Variants in CSMD1 observed in about 807,000 individuals in gnomAD.
CSMD1 encodes CUB and Sushi multiple domains 1.
Under a neutral mutation model 417.5 loss-of-function variants are expected in CSMD1, and 213 were observed. The ratio of observed to expected loss-of-function variants is 0.51; its 90% confidence interval spans 0.46 to 0.57. The LOEUF is 0.57. Ranked by LOEUF, CSMD1 falls within the 20% of genes least tolerant of loss-of-function variation. The pLI, the probability that CSMD1 is intolerant of heterozygous loss-of-function variation, is 0.00. For synonymous variants in CSMD1, 2,862 were observed against 1,736.8 expected (o/e 1.65, Z -16.11); for missense variants, 6,923 against 4,529.7 (o/e 1.53, Z -15.17).
At chr8:4,560,926 G>A (rs941177862) in intron 2 of CSMD1, among the ~76,000 whole-genome samples, 3 of 152,072 alleles carry the variant, frequency 2.0e-5, no homozygotes, top group Non-Finnish European at 2.9e-5. Context: ...TCAAAGATCC[G>A]TTTTCTCTAT....
chr8:3,905,406 A>G (rs1425775581), intron 5 of CSMD1, among the ~76,000 whole-genome samples: 3 of 152,194 alleles, frequency 2.0e-5, no homozygotes, highest in African/African-American at 7.2e-5. Context: ...GTAAGGCCAC[A>G]ATTAACCAGG....
intron 10 of CSMD1, among the ~76,000 whole-genome samples, chr8:3,548,028 G>A (rs540097695): frequency 6.6e-6 from 1 of 152,246 alleles, no homozygotes; most frequent in African/African-American, 2.4e-5. Context: ...TAAACTTCCT[G>A]GAGAGGGGTA....
chr8:3,830,043 A>G (rs1802285691), intron 5 of CSMD1, among the ~76,000 whole-genome samples: 1 of 152,118 alleles, frequency 6.6e-6, no homozygotes, highest in Non-Finnish European at 1.5e-5. Flanking sequence ...CTCTTCTAAT[A>G]ACTTTTTGGG....
intron 3 of CSMD1, among the ~76,000 whole-genome samples, chr8:4,299,393 C>G (rs906370844): frequency 1.3e-5 from 2 of 152,030 alleles, no homozygotes; most frequent in Non-Finnish European, 2.9e-5. Context: ...GATAACCAGT[C>G]GTCTCAACAT....
Position 3,219,902 on chromosome 8 carries a change from TACTG to T in CSMD1, c.4485-464_4485-461del, listed in dbSNP as rs370611315. 2.3e-3 allele frequency among the ~76,000 whole-genome samples: 354 copies of T among 152,248 alleles called. 2 individuals are homozygous for T. The highest frequency in any genetic ancestry group is 8.1e-3 in the African/African-American group (335 of 41,534). ...AAAATATTGGAATAGTCAGTAGAAT[TACTG>T]ACTATTCTTACTTTTATTTTTACTT... On this transcript the variant is annotated intron_variant, in intron 28 of 69. Transcript: ENST00000635120.
intron 12 of CSMD1, among the ~76,000 whole-genome samples, chr8:3,455,884 G>C (rs932350317): frequency 2.0e-5 from 3 of 152,232 alleles, no homozygotes; most frequent in Non-Finnish European, 2.9e-5. Context: ...GCTGTCTTTT[G>C]TTTGGCTATG....
At chr8:3,307,444 A>ATAGTT (rs1159036868) in intron 25 of CSMD1, among the ~76,000 whole-genome samples, 1 of 152,012 alleles carries the variant, frequency 6.6e-6, no homozygotes, top group African/African-American at 2.4e-5. Context: ...AATTTGGGGG[A>ATAGTT]TAGTTTGTTA....
At chr8:4,517,065 C>T (rs1391398572) in intron 2 of CSMD1, among the ~76,000 whole-genome samples, 2 of 152,122 alleles carry the variant, frequency 1.3e-5, no homozygotes, top group East Asian at 3.9e-4. Flanking sequence ...CTGTGTTTTA[C>T]TGTGAATGCA....
chr8:4,259,561 G>C (rs770785984), intron 3 of CSMD1, among the ~76,000 whole-genome samples: 1 of 151,432 alleles, frequency 6.6e-6, no homozygotes, highest in Non-Finnish European at 1.5e-5. Context: ...GATTTACAAA[G>C]TAATACTCTG....
intron 12 of CSMD1, among the ~76,000 whole-genome samples, chr8:3,436,664 G>A (rs1015071715): frequency 6.6e-6 from 1 of 152,116 alleles, no homozygotes; most frequent in Non-Finnish European, 1.5e-5. Flanking sequence ...AGAAAAGTGT[G>A]AGTCTTGTAT....
intron 1 of CSMD1, among the ~76,000 whole-genome samples, chr8:4,848,524 G>T (rs996411139): frequency 6.6e-6 from 1 of 152,074 alleles, no homozygotes; most frequent in African/African-American, 2.4e-5. Flanking sequence ...CACATAAAAT[G>T]ATGTATAGTA....
At chr8:4,200,028 G>A (rs1465431889) in intron 3 of CSMD1, among the ~76,000 whole-genome samples, 1 of 152,156 alleles carries the variant, frequency 6.6e-6, no homozygotes, top group Non-Finnish European at 1.5e-5. Flanking sequence ...AAATTATGTT[G>A]AGGTGCCATA....
At chr8:4,007,302 G>C (rs983063759) in intron 4 of CSMD1, among the ~76,000 whole-genome samples, 2 of 152,132 alleles carry the variant, frequency 1.3e-5, no homozygotes, top group African/African-American at 4.8e-5. Context: ...TGGAATGTTG[G>C]CTTCTTCTGT....
At position 2,962,500 on chromosome 8, in the gene CSMD1, G is replaced by A. The variant is rs754819248; in HGVS notation, c.9594C>T (p.Asp3198=). The change falls in exon 61 of 70, where the codon GAC becomes GAT. Residue 3198 remains aspartate (D), a synonymous_variant. Transcript: ENST00000635120. ...TGGGTTGTATGCCGCTCCACGTGCC[G>A]TCAGCTTGGCAGACTCTTCTGGAGG... ...VGSSRRVCQA[D]GTWSGIQPTC... The A allele has an allele frequency of 5.6e-6, 9 of 1,613,718 alleles. No individual in the cohort carries two copies. The highest frequency in any genetic ancestry group is 1.7e-5 in the Admixed American group (1 of 59,994).
At chr8:3,098,634 G>C (rs911094365) in intron 46 of CSMD1, among the ~76,000 whole-genome samples, 18 of 152,172 alleles carry the variant, frequency 1.2e-4, no homozygotes, top group Admixed American at 5.2e-4. Flanking sequence ...ATTTTCTTCT[G>C]TGATGGTGAC....
chr8:4,770,576 T>C (rs901820883), intron 1 of CSMD1, among the ~76,000 whole-genome samples: 5 of 151,920 alleles, frequency 3.3e-5, no homozygotes, highest in Non-Finnish European at 7.4e-5. Flanking sequence ...AGTACAAAGT[T>C]ATAGTAATCA....
At chr8:3,616,832 T>C (rs181964960) in intron 7 of CSMD1, 35 bp from the exon 8 acceptor site, 13 of 1,458,484 alleles carry the variant, frequency 8.9e-6, no homozygotes, top group East Asian at 2.3e-5. Context: ...AAATGCTGTA[T>C]AGTTATTGAG....
At chr8:3,479,482 A>G (rs1817611602) in intron 11 of CSMD1, among the ~76,000 whole-genome samples, 1 of 152,050 alleles carries the variant, frequency 6.6e-6, no homozygotes, top group African/African-American at 2.4e-5. Context: ...GTTTCTCCGT[A>G]TTGGTCATGC....
intron 11 of CSMD1, among the ~76,000 whole-genome samples, chr8:3,480,220 G>T (rs535521237): frequency 6.6e-6 from 1 of 152,124 alleles, no homozygotes; most frequent in East Asian, 1.9e-4. Context: ...AAATTAGCTG[G>T]GTGTGGTGGC....
Sources: allele counts gnomAD v4.1 joint callset (sites outside exome capture counted in the v4.1 genomes callset), GRCh38; gene constraint gnomAD v4.1.1; transcripts MANE v1.5; gene names NCBI Gene and HGNC (gene_info 2026-07-23, HGNC 2026-07-21).